CHI3L1: variants seen among roughly 807,000 people sequenced by gnomAD.
The protein encoded by CHI3L1 is chitinase 3 like 1.
CHI3L1 carries 30 observed loss-of-function variants against 40.7 expected under a neutral mutation model. The ratio of observed to expected loss-of-function variants is 0.74; its 90% CI spans 0.55 to 1.00. The LOEUF (loss-of-function observed/expected upper bound fraction) is 1.00. Among genes scored for constraint, CHI3L1 ranks in the 50% least tolerant of loss-of-function variants. The pLI, the probability that CHI3L1 is intolerant of heterozygous loss-of-function variation, is 0.00. For synonymous variants in CHI3L1, 210 were observed against 192.1 expected (o/e 1.09, Z -0.77); for missense variants, 493 against 492.2 (o/e 1.00, Z -0.01).
At chr1:203,182,685 G>A (rs1488848317) in intron 6 of CHI3L1, 46 bp downstream of exon 6, 2 of 1,611,916 alleles carry the variant, frequency 1.2e-6, no homozygotes, top group Admixed American at 1.7e-5. Context: ...GGAAACAGGA[G>A]TGTTGGCAGA....
chr1:203,183,861 T>C, intron 4 of CHI3L1, 70 bp from the exon 5 acceptor site: 2 of 1,563,586 alleles, frequency 1.3e-6, no homozygotes, highest in East Asian at 4.5e-5. Context: ...TCTGGTGGGG[T>C]TTCCAGGACC....
At chr1:203,180,440 G>A in intron 8 of CHI3L1, 30 bp downstream of exon 8, 1 of 1,512,520 alleles carries the variant, frequency 6.6e-7, no homozygotes. Context: ...GTGGTGTGGG[G>A]GAATCCTACC....
In CHI3L1 at chr1:203,180,623, C is replaced by A; in HGVS notation, c.741G>T (p.Leu247=). 6.2e-7 allele frequency: 1 copy of A among 1,612,396 alleles called. No individual in the cohort carries two copies. The highest frequency in any genetic ancestry group is 2.2e-5 in the East Asian group (1 of 44,746). The change falls in exon 8 of 10, where the codon CTG becomes CTT. Residue 247 remains leucine (L), a synonymous_variant. Transcript: ENST00000255409. ...TDYAVGYMLR[L]GAPASKLVMG... ...TCACCAGCTTACTGGCAGGAGCCCC[C>A]AGCCTCAACATGTACCCCACAGCAT...
Position 203,179,746 on chromosome 1 carries a change from C to T in CHI3L1, c.1011+15G>A, listed in dbSNP as rs1238287128. 6 of 1,614,176 alleles carry T rather than the reference C, an allele frequency of 3.7e-6. No homozygotes were observed. The East Asian group carries it at 1.3e-4, about 36-fold the overall frequency. On this transcript the variant is annotated intron_variant, in intron 9 of 9. Coordinates refer to ENST00000255409, the MANE Select transcript of CHI3L1 (RefSeq NM_001276.4). ...CTTTCTCTTTGTCCTGAGGTGTGGC[C>T]TTGGGGAAACCTACCTTGCTTTTGA...
In CHI3L1 at chr1:203,182,845, T is replaced by C. The variant is rs1438146016; in HGVS notation, c.473A>G (p.Lys158Arg). ...CTGGGCTTCCTTTATAAATTCGGCCTTCATTTCCTAGATGGGAGACAGGCA... is the reference window on the plus strand; with the variant it reads ...CTGGGCTTCCTTTATAAATTCGGCCCTCATTTCCTAGATGGGAGACAGGCA... ...QHFTTLIKEM[K>R]AEFIKEAQPG... is the part of the protein sequence containing the mutation. The change falls in exon 6 of 10, where the codon AAG (lysine) becomes AGG (arginine). Residue 158 changes from lysine to arginine, a missense_variant. Coordinates refer to ENST00000255409, the MANE Select transcript of CHI3L1 (RefSeq NM_001276.4). 1 of 1,613,982 alleles carries C rather than the reference T, an allele frequency of 6.2e-7. No individual in the cohort carries two copies. Among genetic ancestry groups the C allele is most frequent in the Non-Finnish European group, 8.5e-7 (1 of 1,180,012 alleles).
Position 203,180,640 on chromosome 1 carries a change from C to A in CHI3L1, c.724G>T (p.Gly242Trp). The A allele has an allele frequency of 1.9e-6, 3 of 1,610,714 alleles. No homozygotes were observed. Among genetic ancestry groups the A allele is most frequent in the Non-Finnish European group, 2.5e-6 (3 of 1,178,722 alleles). Residue 242 changes from glycine to tryptophan, a missense_variant, in exon 8 of 10, where the codon GGG becomes TGG. By Grantham distance (184) the Gly-to-Trp change is radical. Transcript: ENST00000255409. ...DRFSNTDYAV[G>W]YMLRLGAPAS... Reference sequence around the variant, plus strand: ...GGAGCCCCCAGCCTCAACATGTACCCCACAGCATAGTCCTGGGTGGGGTAG... The same window carrying A: ...GGAGCCCCCAGCCTCAACATGTACCACACAGCATAGTCCTGGGTGGGGTAG...
Position 203,182,467 on chromosome 1 carries a change from T to G in CHI3L1, c.587+264A>C, listed in dbSNP as rs77299411. ...TTTCCACTTCCCTTTCCAAAATACT[T>G]TCATAGCAGCTCTCTCAACTGCTCA... On this transcript the variant is annotated intron_variant, in intron 6 of 9. Coordinates refer to ENST00000255409, the MANE Select transcript of CHI3L1 (RefSeq NM_001276.4). 4.1e-3 allele frequency among the ~76,000 whole-genome samples: 617 copies of G among 152,330 alleles called. 3 individuals carry two copies. The highest frequency in any genetic ancestry group is 0.014 in the African/African-American group (596 of 41,570).
Position 203,182,843 on chromosome 1 carries a change from C to A in CHI3L1, c.475G>T (p.Ala159Ser). Residue 159 changes from alanine to serine, a missense_variant, in exon 6 of 10, where the codon GCC becomes TCC. Coordinates refer to ENST00000255409, the MANE Select transcript of CHI3L1 (RefSeq NM_001276.4). Reference sequence around the variant, plus strand: ...GGCTGGGCTTCCTTTATAAATTCGGCCTTCATTTCCTAGATGGGAGACAGG... The same window carrying A: ...GGCTGGGCTTCCTTTATAAATTCGGACTTCATTTCCTAGATGGGAGACAGG... ...HFTTLIKEMK[A>S]EFIKEAQPGK... 1 of 1,614,084 alleles carries A rather than the reference C, an allele frequency of 6.2e-7. No individual in the cohort carries two copies. Among genetic ancestry groups the A allele is most frequent in the East Asian group, 2.2e-5 (1 of 44,894 alleles).
chr1:203,184,603 A>G lies in CHI3L1; in HGVS notation c.287T>C (p.Val96Ala). ...TTGAGACCCAAAGTTCCATCCTCCG[A>G]CAGACAAGAGAGTCTTCAGGTTGGG... Reference protein sequence around the residue: ...RNPNLKTLLSVGGWNFGSQRF... With the variant: ...RNPNLKTLLSAGGWNFGSQRF... The change falls in exon 4 of 10, where the codon GTC (valine) becomes GCC (alanine). Residue 96 changes from valine (V) to alanine (A), a missense_variant. Physicochemically the swap from Val to Ala is moderately conservative, Grantham distance 64 (BLOSUM62 0). Transcript: ENST00000255409. The G allele has an allele frequency of 6.2e-7, 1 of 1,614,064 alleles. No individual in the cohort carries two copies. The highest frequency in any genetic ancestry group is 8.5e-7 in the Non-Finnish European group (1 of 1,179,946).
intron 3 of CHI3L1, among the ~76,000 whole-genome samples, 155 bp from the exon 4 acceptor site, chr1:203,184,787 C>T (rs1247546393): frequency 2.0e-5 from 3 of 152,110 alleles, no homozygotes; most frequent in African/African-American, 7.2e-5. Context: ...CATGGGAATC[C>T]CATAGAGATT....
Position 203,184,503 on chromosome 1 carries a change from A to G in CHI3L1, c.314+73T>C, listed in dbSNP as rs117907480. The G allele has an allele frequency of 2.6e-5, 32 of 1,241,778 alleles. No individual in the cohort carries two copies. The East Asian group carries it at 7.2e-4, about 28-fold the overall frequency. The allele number at this position is 1,241,778 out of a possible 1,614,324, so 76.9% of individuals were successfully genotyped here. ...AGCCCCTGGAACATCCATACAGTGG[A>G]TGCGGGAGACCCAAGCTCCTCACTC... On this transcript the variant is annotated intron_variant, in intron 4 of 9. Coordinates refer to ENST00000255409, the MANE Select transcript of CHI3L1 (RefSeq NM_001276.4).
At chr1:203,185,535 A>T in intron 2 of CHI3L1, 150 bp from the exon 3 acceptor site, 1 of 663,698 alleles carries the variant, frequency 1.5e-6, no homozygotes, top group East Asian at 2.7e-5. Context: ...AAATGAAAGG[A>T]GCTGGTTCAG....
chr1:203,185,315 G>C lies in CHI3L1; in HGVS notation c.126C>G (p.Phe42Leu). The C allele has an allele frequency of 6.2e-7, 1 of 1,614,232 alleles. No homozygotes were observed. The highest frequency in any genetic ancestry group is 8.5e-7 in the Non-Finnish European group (1 of 1,180,042). ...AGAGGAAGCGGTCAAGGGCATCTGGGAAGCAGCTCCCATCGCCTTCCCGGT... is the reference window on the plus strand; with the variant it reads ...AGAGGAAGCGGTCAAGGGCATCTGGCAAGCAGCTCCCATCGCCTTCCCGGT... ...SQYREGDGSCFPDALDRFLCT... is the reference protein window; with the variant it reads ...SQYREGDGSCLPDALDRFLCT... Residue 42 changes from phenylalanine to leucine, a missense_variant, in exon 3 of 10, where the codon TTC (phenylalanine) becomes TTG (leucine). Coordinates refer to ENST00000255409, the MANE Select transcript of CHI3L1 (RefSeq NM_001276.4).
Position 203,185,047 on chromosome 1 carries a change from C to T in CHI3L1, c.257+137G>A, listed in dbSNP as rs555281239. The stretch of plus-strand genomic sequence containing the variant: ...CCAGCACCTACAGTCATCCCCTCCA[C>T]CCATTTAAGCCAAGCCCCTCTAACT... On this transcript the variant is annotated intron_variant, in intron 3 of 9. Transcript: ENST00000255409. The T allele has an allele frequency of 1.9e-5, 13 of 695,310 alleles. No individual in the cohort carries two copies. In the African/African-American group the frequency reaches 2.3e-4, roughly 12 times the overall value. The allele number at this position is 695,310 out of a possible 1,614,324, so 43.1% of individuals were successfully genotyped here. A position where few individuals can be genotyped will look rare whatever the true frequency, so the allele number is the denominator to read the frequency against.
At chr1:203,181,607 A>C (rs1176194537) in intron 6 of CHI3L1, 3 of 185,984 alleles carry the variant, frequency 1.6e-5, no homozygotes, top group African/African-American at 4.8e-5. Context: ...TTTGTCTCAA[A>C]AAAAAGTAAG....
intron 2 of CHI3L1, among the ~76,000 whole-genome samples, chr1:203,185,691 A>G (rs969186509): frequency 6.6e-6 from 1 of 152,096 alleles, no homozygotes; most frequent in Non-Finnish European, 1.5e-5. Flanking sequence ...ATGAAATGGG[A>G]CTTGGTGCCA....
intron 6 of CHI3L1, 96 bp downstream of exon 6, chr1:203,182,635 G>A: frequency 7.1e-7 from 1 of 1,407,932 alleles, no homozygotes; most frequent in Admixed American, 1.8e-5. Context: ...GAAGCCCAGT[G>A]TCCTCAGTCT....
chr1:203,186,563 C>A (rs770650462), intron 1 of CHI3L1, 36 bp downstream of exon 1: 1 of 1,613,932 alleles, frequency 6.2e-7, no homozygotes, highest in Non-Finnish European at 8.5e-7. Context: ...TGAAAACCCA[C>A]AACTCTGATG....
At chr1:203,182,442 T>A (rs1655955338) in intron 6 of CHI3L1, among the ~76,000 whole-genome samples, 1 of 152,256 alleles carries the variant, frequency 6.6e-6, no homozygotes, top group Non-Finnish European at 1.5e-5. Flanking sequence ...TGAATAGCTT[T>A]TTCCACTTCC....
Sources: allele counts gnomAD v4.1 joint callset (sites outside exome capture counted in the v4.1 genomes callset), GRCh38; gene constraint gnomAD v4.1.1; transcripts MANE v1.5; gene names NCBI Gene and HGNC (gene_info 2026-07-23, HGNC 2026-07-21).